FOXJ3: variants seen among roughly 807,000 people sequenced by gnomAD.
FOXJ3 encodes the protein forkhead box protein J3.
Under a neutral mutation model 76.1 loss-of-function variants are expected in FOXJ3, and 22 were observed. That is an observed-to-expected ratio of 0.29 (90% CI 0.21 to 0.41). The LOEUF is 0.41. Among genes scored for constraint, FOXJ3 ranks in the 10% least tolerant of loss-of-function variants. The probability of loss-of-function intolerance (pLI) is 1.00; values close to 1 mark genes in which losing one functional copy is unlikely to be tolerated. For missense variants in FOXJ3, 613 were observed against 762.1 expected (o/e 0.80, Z 2.30); for synonymous variants, 269 against 261.2 (o/e 1.03, Z -0.29).
intron 1 of FOXJ3, among the ~76,000 whole-genome samples, chr1:42,320,647 T>C (rs375149336): frequency 6.6e-6 from 1 of 152,198 alleles, no homozygotes; most frequent in East Asian, 1.9e-4. Context: ...TCACATTATA[T>C]GTTTAAAGGT....
intron 2 of FOXJ3, among the ~76,000 whole-genome samples, chr1:42,303,676 A>G (rs1477568498): frequency 6.6e-6 from 1 of 152,246 alleles, no homozygotes; most frequent in African/African-American, 2.4e-5. Context: ...AAAATGAGTG[A>G]TAAAAAGGGA....
In FOXJ3 at chr1:42,280,083, T is replaced by C. The variant is rs113552356; in HGVS notation, c.45-1411A>G. 2.0e-4 allele frequency among the ~76,000 whole-genome samples: 30 copies of C among 152,216 alleles called. 1 individual carries two copies. Among genetic ancestry groups the C allele is most frequent in the African/African-American group, 6.3e-4 (26 of 41,552 alleles). On this transcript the variant is annotated intron_variant, in intron 2 of 12. Transcript: ENST00000361346. ...TTACCTCTACCTCCCAGTTTCCTCA[T>C]CTGTAAAATGCAACAATAGTACTTA...
At chr1:42,284,308 T>C (rs1652915181) in intron 2 of FOXJ3, among the ~76,000 whole-genome samples, 1 of 152,206 alleles carries the variant, frequency 6.6e-6, no homozygotes, top group South Asian at 2.1e-4. Flanking sequence ...AACTGTTATC[T>C]GTGGAATTTG....
At chr1:42,258,960 G>A (rs1004454183) in intron 4 of FOXJ3, among the ~76,000 whole-genome samples, 4 of 152,224 alleles carry the variant, frequency 2.6e-5, no homozygotes, top group Admixed American at 6.5e-5. Flanking sequence ...AGTCTAAGCC[G>A]AAAAGAAAGT....
chr1:42,237,381 T>A (rs12078076), intron 4 of FOXJ3, among the ~76,000 whole-genome samples: 16,363 of 132,816 alleles, frequency 0.12, 1,589 homozygotes, highest in African/African-American at 0.3. Context: ...TCTCAAAAAA[T>A]ATATATATAT....
At chr1:42,226,016 T>C (rs909096056) in intron 5 of FOXJ3, among the ~76,000 whole-genome samples, 20 of 152,072 alleles carry the variant, frequency 1.3e-4, no homozygotes, top group African/African-American at 4.8e-4. Context: ...AAAAAGCAAA[T>C]AGAGAAGAAC....
intron 2 of FOXJ3, among the ~76,000 whole-genome samples, chr1:42,306,306 T>C (rs1041209420): frequency 7.2e-5 from 10 of 139,610 alleles, no homozygotes; most frequent in East Asian, 2.1e-4. Context: ...TTCTTTTTTT[T>C]TTTTTTTTTT....
chr1:42,309,543 T>A (rs1223170584), intron 2 of FOXJ3, among the ~76,000 whole-genome samples: 1 of 152,236 alleles, frequency 6.6e-6, no homozygotes, highest in Non-Finnish European at 1.5e-5. Flanking sequence ...AACAAATACT[T>A]ATACTATTTT....
rs147991631 is a variant in FOXJ3, at chr1:42,294,217, A to G, written c.45-15545T>C. Among the ~76,000 whole-genome samples the G allele has an allele frequency of 5.5e-3, 837 of 152,304 alleles. 4 individuals carry two copies. Among genetic ancestry groups the G allele is most frequent in the Middle Eastern group, 0.01 (3 of 294 alleles). On this transcript the variant is annotated intron_variant, in intron 2 of 12. Transcript: ENST00000361346. ...TCCTTTCTCAACCAAAAGTGGATAC[A>G]TGCTGCTTTGTCTCAAACGCTTTCT...
chr1:42,195,157 T>C (rs550388326), intron 7 of FOXJ3, 93 bp from the exon 8 acceptor site: 13 of 941,944 alleles, frequency 1.4e-5, no homozygotes, highest in African/African-American at 1.2e-4. Context: ...AGTGTCAACA[T>C]TGGAATTCAA....
At chr1:42,238,848 T>C (rs1648907962) in intron 4 of FOXJ3, among the ~76,000 whole-genome samples, 3 of 152,054 alleles carry the variant, frequency 2.0e-5, no homozygotes, top group Admixed American at 6.6e-5. Flanking sequence ...CAGCCTAGGA[T>C]TTTTTTTATT....
intron 5 of FOXJ3, among the ~76,000 whole-genome samples, chr1:42,213,106 G>A (rs539723089): frequency 2.2e-4 from 34 of 152,148 alleles, no homozygotes; most frequent in Admixed American, 3.9e-4. Context: ...AGGTTGATGC[G>A]CAAAAGAATA....
chr1:42,255,470 A>G (rs1242526100), intron 4 of FOXJ3, among the ~76,000 whole-genome samples: 2 of 152,254 alleles, frequency 1.3e-5, no homozygotes, highest in Middle Eastern at 3.2e-3. Flanking sequence ...AGAACAAAAG[A>G]AAAACAAACA....
intron 7 of FOXJ3, among the ~76,000 whole-genome samples, chr1:42,198,600 T>G (rs1646699377): frequency 6.6e-6 from 1 of 152,204 alleles, no homozygotes. Flanking sequence ...CAAGAATACA[T>G]ACACACAGGT....
chr1:42,308,646 C>T (rs1311421818), intron 2 of FOXJ3, among the ~76,000 whole-genome samples: 2 of 152,134 alleles, frequency 1.3e-5, no homozygotes, highest in African/African-American at 2.4e-5. Flanking sequence ...TATCATGACT[C>T]AGATGTCACA....
Position 42,245,978 on chromosome 1 carries a change from G to T in FOXJ3, c.445-18012C>A, listed in dbSNP as rs144972659. Among the ~76,000 whole-genome samples the T allele has an allele frequency of 2.6e-5, 4 of 152,162 alleles. No homozygotes were observed. In the East Asian group the frequency reaches 7.7e-4, roughly 29 times the overall value. On this transcript the variant is annotated intron_variant, in intron 4 of 12. Transcript: ENST00000361346. ...AGTGAATGTCCATAGGCAGAAGAAT[G>T]CTCCTATATCTCACCATAAACAAAA...
chr1:42,322,933 TTTTC>T (rs998970949), intron 1 of FOXJ3, among the ~76,000 whole-genome samples: 1 of 152,124 alleles, frequency 6.6e-6, no homozygotes, highest in African/African-American at 2.4e-5. Context: ...TTCTGAGGGT[TTTTC>T]GTTTTGTTTT....
chr1:42,222,107 A>AGAG (rs1647232460), intron 5 of FOXJ3, among the ~76,000 whole-genome samples: 2 of 149,062 alleles, frequency 1.3e-5, no homozygotes, highest in African/African-American at 2.5e-5. Context: ...AAGAAGAAGA[A>AGAG]GAAATAAAAA....
intron 4 of FOXJ3, among the ~76,000 whole-genome samples, chr1:42,231,648 C>A (rs547256665): frequency 2.0e-5 from 3 of 152,162 alleles, no homozygotes; most frequent in African/African-American, 7.2e-5. Flanking sequence ...GTATATTTTA[C>A]CACCAAAAAG....
Sources: gnomAD v4.1 joint callset for allele counts (sites outside exome capture counted in the v4.1 genomes callset) on GRCh38, gnomAD v4.1.1 for gene constraint, MANE v1.5 for transcripts, NCBI Gene and HGNC (gene_info 2026-07-23, HGNC 2026-07-21) for gene names.